Variants in NELFB observed in about 807,000 individuals in gnomAD.
The protein encoded by NELFB is negative elongation factor B.
In NELFB, 34 loss-of-function variants were observed where a neutral mutation model predicts 60.2. The observed-to-expected ratio is 0.56, with a 90% CI of 0.43 to 0.75. The LOEUF (loss-of-function observed/expected upper bound fraction) is 0.75. Among genes scored for constraint, NELFB ranks in the 30% least tolerant of loss-of-function variants. NELFB has a pLI of 0.00. For synonymous variants in NELFB, 459 were observed against 382.1 expected (o/e 1.20, Z -2.35); for missense variants, 770 against 831.6 (o/e 0.93, Z 0.91).
intron 5 of NELFB, among the ~76,000 whole-genome samples, chr9:137,263,617 C>T: frequency 6.6e-6 from 1 of 151,624 alleles, no homozygotes; most frequent in Non-Finnish European, 1.5e-5. Flanking sequence ...TCTGGTCTTT[C>T]TGTCCTGTGT....
intron 6 of NELFB, among the ~76,000 whole-genome samples, chr9:137,265,640 G>A (rs1251887791): frequency 3.2e-5 from 4 of 123,094 alleles, no homozygotes; most frequent in Non-Finnish European, 5.5e-5. Context: ...CATCCGCCTC[G>A]GCCTGCCAAA....
Position 137,265,054 on chromosome 9 carries a change from T to TTTTTTTTTTTTTTTTTTTTC in NELFB, c.1040+697_1040+698insTTTTTTTTTTTTTTTTTTTC, listed in dbSNP as rs1554791518. 1.8e-5 allele frequency among the ~76,000 whole-genome samples: 2 copies of TTTTTTTTTTTTTTTTTTTTC among 114,036 alleles called. 1 individual carries two copies. 74.8% of individuals were successfully genotyped at this position (114,036 alleles called of 152,430 possible). ...TCCTTTTTTTTTTTTTTTTTTTTTT[T>TTTTTTTTTTTTTTTTTTTTC]CTGAGACAGGGTCTCTGTCACCCAG... On this transcript the variant is annotated intron_variant, in intron 6 of 12. Coordinates refer to ENST00000343053, the MANE Select transcript of NELFB (RefSeq NM_015456.5).
chr9:137,266,851 A>C, intron 8 of NELFB, 93 bp from the exon 9 acceptor site: 1 of 1,318,232 alleles, frequency 7.6e-7, no homozygotes, highest in Non-Finnish European at 9.9e-7. Flanking sequence ...TATCTGGGGG[A>C]GTGGGAGGGC....
chr9:137,263,072 C>T lies in NELFB; in HGVS notation c.777C>T (p.Asn259=), dbSNP rs146800643. Residue 259 remains asparagine, a synonymous_variant, in exon 5 of 13, where the codon AAC becomes AAT. Coordinates refer to ENST00000343053, the MANE Select transcript of NELFB (RefSeq NM_015456.5). ...GGCTGACGCGGATGGTGGGGAAGAACGTGAAGCTGTACGACATGGTGCTGC... is the reference window on the plus strand; with the variant it reads ...GGCTGACGCGGATGGTGGGGAAGAATGTGAAGCTGTACGACATGGTGCTGC... 96 of 1,613,730 alleles carry T rather than the reference C, an allele frequency of 5.9e-5. No individual in the cohort carries two copies. The highest frequency in any genetic ancestry group is 7.5e-5 in the Non-Finnish European group (88 of 1,179,810).
intron 4 of NELFB, among the ~76,000 whole-genome samples, chr9:137,260,931 C>T (rs946279021): frequency 1.3e-5 from 2 of 150,714 alleles, no homozygotes; most frequent in South Asian, 2.1e-4. Flanking sequence ...TGGTGGTGTG[C>T]GCCTGTAGTC....
chr9:137,266,363 G>A lies in NELFB; in HGVS notation c.1176G>A (p.Leu392=), dbSNP rs1178142684. The A allele has an allele frequency of 6.2e-7, 1 of 1,613,006 alleles. No homozygotes were observed. The highest frequency in any genetic ancestry group is 1.3e-5 in the African/African-American group (1 of 75,074). ...CCGACCTCCTGCTGCTGCTCCGGCT[G>A]CTGGCGCTGGGCCAGGGAGCCTGGG... Residue 392 remains leucine, a synonymous_variant, in exon 8 of 13, where the codon CTG becomes CTA. Coordinates refer to ENST00000343053, the MANE Select transcript of NELFB (RefSeq NM_015456.5).
intron 4 of NELFB, 134 bp from the exon 5 acceptor site, chr9:137,262,903 G>C: frequency 2.4e-6 from 2 of 829,190 alleles, no homozygotes; most frequent in South Asian, 3.3e-5. Flanking sequence ...TTAATGAGAG[G>C]AGGGAATGTT....
Position 137,266,494 on chromosome 9 carries a change from G to A in NELFB, c.1239+68G>A. On this transcript the variant is annotated intron_variant, in intron 8 of 12. Coordinates refer to ENST00000343053, the MANE Select transcript of NELFB (RefSeq NM_015456.5). Reference sequence around the variant, plus strand: ...TTGTGGGCTGGAAGTGGGGTGGAGGGGGAGGCGCTAGCAAGGTGATTGTGG... The same window carrying A: ...TTGTGGGCTGGAAGTGGGGTGGAGGAGGAGGCGCTAGCAAGGTGATTGTGG... 16 of 1,366,768 alleles carry A rather than the reference G, an allele frequency of 1.2e-5. No homozygotes were observed. The South Asian group carries it at 1.9e-4, about 17-fold the overall frequency. 84.7% of individuals were successfully genotyped at this position (1,366,768 alleles called of 1,614,324 possible). A position where few individuals can be genotyped will look rare whatever the true frequency, so the allele number is the denominator to read the frequency against.
chr9:137,268,280 G>A (rs966499576), intron 10 of NELFB, among the ~76,000 whole-genome samples: 4 of 152,210 alleles, frequency 2.6e-5, no homozygotes, highest in African/African-American at 4.8e-5. Context: ...ACTTGAGACT[G>A]AGTAGTGTAG....
intron 6 of NELFB, 137 bp downstream of exon 6, chr9:137,264,494 C>T (rs1296180920): frequency 2.9e-6 from 2 of 680,288 alleles, no homozygotes; most frequent in African/African-American, 1.8e-5. Flanking sequence ...GAGACAGAGT[C>T]TCGTTCTGTA....
In NELFB at chr9:137,272,498, CT is replaced by C. The variant is rs1467708012; in HGVS notation, c.1632-5del. The C allele has an allele frequency of 6.2e-7, 1 of 1,610,306 alleles. No individual in the cohort carries two copies. Among genetic ancestry groups the C allele is most frequent in the Admixed American group, 1.7e-5 (1 of 59,810 alleles). On this transcript the variant is annotated splice_region_variant and splice_polypyrimidine_tract_variant and intron_variant, in intron 11 of 12. Coordinates refer to ENST00000343053, the MANE Select transcript of NELFB (RefSeq NM_015456.5). ...GCCTCCTGCCCCAGCCCTGCACGGC[CT>C]TTTCCAGGAAGGAGAACGTGCACCG...
chr9:137,256,091 G>A, intron 2 of NELFB, 21 bp downstream of exon 2: 2 of 1,608,508 alleles, frequency 1.2e-6, no homozygotes, highest in South Asian at 2.2e-5. Context: ...GGGAGGGGTG[G>A]GCAGGTGAGA....
chr9:137,256,654 G>T (rs933584902), intron 3 of NELFB, among the ~76,000 whole-genome samples, 170 bp from the exon 4 acceptor site: 1 of 152,180 alleles, frequency 6.6e-6, no homozygotes, highest in Non-Finnish European at 1.5e-5. Context: ...AGAGCTGTTG[G>T]TATTTAGCAT....
intron 4 of NELFB, among the ~76,000 whole-genome samples, chr9:137,260,502 G>A (rs1199782196): frequency 6.8e-6 from 1 of 146,550 alleles, no homozygotes; most frequent in Non-Finnish European, 1.5e-5. Flanking sequence ...GCCCAGGCTG[G>A]AGTGCAGTGG....
intron 6 of NELFB, among the ~76,000 whole-genome samples, chr9:137,265,019 CT>C (rs922627339): frequency 3.4e-5 from 5 of 146,512 alleles, no homozygotes; most frequent in Non-Finnish European, 6.0e-5. Context: ...GCCTTTGCCA[CT>C]TTTTTTCTTC....
rs1387192695 is a variant in NELFB at position 137,265,967 on chromosome 9, G to C, written c.1131G>C (p.Glu377Asp). 2 of 1,612,014 alleles carry C rather than the reference G, an allele frequency of 1.2e-6. No homozygotes were observed. Among genetic ancestry groups the C allele is most frequent in the Admixed American group, 3.3e-5 (2 of 60,008 alleles). The change falls in exon 7 of 13, where the codon GAG becomes GAC. Residue 377 changes from glutamate (E) to aspartate (D), a missense_variant. Physicochemically the swap from Glu to Asp is conservative, Grantham distance 45. Coordinates refer to ENST00000343053, the MANE Select transcript of NELFB (RefSeq NM_015456.5). ...ACCTGCAGGAGCTGGTCGGCCAGGAGACACTGCCCAGGGTGAGTGTGGGCT... is the reference window on the plus strand; with the variant it reads ...ACCTGCAGGAGCTGGTCGGCCAGGACACACTGCCCAGGGTGAGTGTGGGCT...
chr9:137,272,518 T>C lies in NELFB; in HGVS notation c.1643T>C (p.Val548Ala). ...ACGGCCTTTTCCAGGAAGGAGAACG[T>C]GCACCGGCACGCGCTGCGGCTCCTC... The change falls in exon 12 of 13, where the codon GTG becomes GCG. Residue 548 changes from valine (V) to alanine (A), a missense_variant. Coordinates refer to ENST00000343053, the MANE Select transcript of NELFB (RefSeq NM_015456.5). 6.2e-7 allele frequency: 1 copy of C among 1,612,144 alleles called. No homozygotes were observed. Among genetic ancestry groups the C allele is most frequent in the Non-Finnish European group, 8.5e-7 (1 of 1,179,518 alleles).
In NELFB at chr9:137,256,883, C is replaced by T. The variant is rs566390451; in HGVS notation, c.570C>T (p.Ala190=). Residue 190 remains alanine, a synonymous_variant, in exon 4 of 13, where the codon GCC becomes GCT. Coordinates refer to ENST00000343053, the MANE Select transcript of NELFB (RefSeq NM_015456.5). ...ACAAGGAGCTGTATCGAGCCTGCGC[C>T]GTGGAGGTGAAGCGGCAGATCTGGC... The T allele has an allele frequency of 3.1e-6, 5 of 1,614,054 alleles. No individual in the cohort carries two copies. The highest frequency in any genetic ancestry group is 2.2e-5 in the East Asian group (1 of 44,896).
intron 2 of NELFB, 119 bp downstream of exon 2, chr9:137,256,189 G>A (rs900703618): frequency 4.4e-6 from 6 of 1,378,996 alleles, no homozygotes; most frequent in Non-Finnish European, 6.1e-6. Flanking sequence ...GGTGGCCTGG[G>A]CCTGTGTCTG....
Sources: gnomAD v4.1 joint callset for allele counts (sites outside exome capture counted in the v4.1 genomes callset) on GRCh38, gnomAD v4.1.1 for gene constraint, MANE v1.5 for transcripts, NCBI Gene and HGNC (gene_info 2026-07-23, HGNC 2026-07-21) for gene names.